MAS1: variants seen among roughly 807,000 people sequenced by gnomAD.
MAS1 encodes proto-oncogene Mas.
For synonymous variants in MAS1, 163 were observed against 164.2 expected, an observed-to-expected ratio of 0.99 and a Z score of 0.05; for missense variants, 387 against 409.7, an observed-to-expected ratio of 0.94 and a Z score of 0.48.
At chr6:159,902,398 C>A (rs760556559) in intron 2 of MAS1, 1 of 152,070 alleles carries the variant, frequency 6.6e-6, no homozygotes, top group Non-Finnish European at 1.5e-5. Flanking sequence ...TCATCTGAAG[C>A]GAGATGCACT....
In MAS1 at chr6:159,912,966, C is replaced by T. The variant is rs1782980440; in HGVS notation, c.*5033C>T. 1 of 152,140 alleles carries T rather than the reference C, an allele frequency of 6.6e-6. No homozygotes were observed. Among genetic ancestry groups the T allele is most frequent in the African/African-American group, 2.4e-5 (1 of 41,410 alleles). The allele number at this position is 152,140 out of a possible 1,614,324, so 9.4% of individuals were successfully genotyped here. On this transcript the variant is annotated 3_prime_UTR_variant, in exon 3 of 3. Coordinates refer to ENST00000674077, the MANE Select transcript of MAS1 (RefSeq NM_002377.4). ...CTTCCAAAAAGAAGCGTTTTAATAT[C>T]AAATGTTGAAGAGAGGCTCTTGGGA...
chr6:159,907,908 C>T lies in MAS1; in HGVS notation c.953C>T (p.Thr318Met), dbSNP rs148082809. The T allele has an allele frequency of 2.3e-5, 37 of 1,606,182 alleles. No individual in the cohort carries two copies. Among genetic ancestry groups the T allele is most frequent in the African/African-American group, 1.2e-4 (9 of 73,470 alleles). Residue 318 changes from threonine to methionine, a missense_variant, in exon 3 of 3, where the codon ACG becomes ATG. Transcript: ENST00000674077. ...CGGCGCCAGAAAGACAATTGTAATACGGTCACAGTTGAGACTGTCGTCTAA... is the reference window on the plus strand; with the variant it reads ...CGGCGCCAGAAAGACAATTGTAATATGGTCACAGTTGAGACTGTCGTCTAA... ...QPRRQKDNCN[T>M]VTVETVV
chr6:159,892,945 T>C (rs1407627903), intron 1 of MAS1, among the ~76,000 whole-genome samples: 1 of 152,202 alleles, frequency 6.6e-6, no homozygotes, highest in Admixed American at 6.5e-5. Flanking sequence ...GTGGGGTTAA[T>C]CTGCTTGATG....
At position 159,908,754 on chromosome 6, in the gene MAS1, C is replaced by T. The variant is rs979613318; in HGVS notation, c.*821C>T. ...TTTGGCCACCAGTAGAGGAGTTTCT[C>T]ATGGCTCCCCTTCCCTCTGTGGGAA... On this transcript the variant is annotated 3_prime_UTR_variant, in exon 3 of 3. Coordinates refer to ENST00000674077, the MANE Select transcript of MAS1 (RefSeq NM_002377.4). 1.3e-5 allele frequency: 2 copies of T among 152,088 alleles called. No homozygotes were observed. Among genetic ancestry groups the T allele is most frequent in the African/African-American group, 2.4e-5 (1 of 41,408 alleles). 9.4% of individuals were successfully genotyped at this position (152,088 alleles called of 1,614,324 possible).
Position 159,912,807 on chromosome 6 carries a change from G to C in MAS1, c.*4874G>C, listed in dbSNP as rs1021802752. 2 of 152,182 alleles carry C rather than the reference G, an allele frequency of 1.3e-5. No individual in the cohort carries two copies. The highest frequency in any genetic ancestry group is 2.9e-5 in the Non-Finnish European group (2 of 68,038). 9.4% of individuals were successfully genotyped at this position (152,182 alleles called of 1,614,324 possible). ...GATCTTGACAAACATTCAGGATTCT[G>C]TGAAGGAGGTAAGAGAGGTGTCACA... On this transcript the variant is annotated 3_prime_UTR_variant, in exon 3 of 3. Transcript: ENST00000674077.
upstream of MAS1, among the ~76,000 whole-genome samples, chr6:159,889,232 G>A (rs1782671253): frequency 6.6e-6 from 1 of 152,214 alleles, no homozygotes; most frequent in Non-Finnish European, 1.5e-5. Flanking sequence ...CTCTGCCCGT[G>A]TGGACAGACT....
chr6:159,909,750 C>G lies in MAS1; in HGVS notation c.*1817C>G, dbSNP rs1189087627. 1.3e-5 allele frequency: 2 copies of G among 152,088 alleles called. No individual in the cohort carries two copies. The highest frequency in any genetic ancestry group is 3.9e-4 in the East Asian group (2 of 5,174). 9.4% of individuals were successfully genotyped at this position (152,088 alleles called of 1,614,324 possible). A position where few individuals can be genotyped will look rare whatever the true frequency, so the allele number is the denominator to read the frequency against. On this transcript the variant is annotated 3_prime_UTR_variant, in exon 3 of 3. Transcript: ENST00000674077. The stretch of plus-strand genomic sequence containing the variant: ...AACCTCGTCTCATCTCTAAGGGGAT[C>G]TTAGTCTCAAAGAGGACCCTAAAGA...
chr6:159,905,794 C>T (rs2115117179), intron 2 of MAS1, among the ~76,000 whole-genome samples: 1 of 152,312 alleles, frequency 6.6e-6, no homozygotes, highest in East Asian at 1.9e-4. Flanking sequence ...GTAATCCCAG[C>T]ACTTTGGGAG....
intron 2 of MAS1, among the ~76,000 whole-genome samples, chr6:159,900,469 C>T (rs1782809512): frequency 1.3e-5 from 2 of 152,168 alleles, no homozygotes; most frequent in African/African-American, 4.8e-5. Context: ...ACTTCAGAGA[C>T]CGAAACTCAG....
At chr6:159,895,911 C>G (rs1782749439) in intron 1 of MAS1, among the ~76,000 whole-genome samples, 1 of 152,164 alleles carries the variant, frequency 6.6e-6, no homozygotes. Flanking sequence ...GAGATGTGCA[C>G]AAAATTTGCA....
At position 159,907,611 on chromosome 6, in the gene MAS1, G is replaced by A. The variant is rs138263796; in HGVS notation, c.656G>A (p.Trp219Ter). 1.2e-6 allele frequency: 2 copies of A among 1,613,588 alleles called. No individual in the cohort carries two copies. The highest frequency in any genetic ancestry group is 1.6e-4 in the Middle Eastern group (1 of 6,062). ...GTCGTGAAGATCCGGAAGAACACGT[G>A]GGCTTCCCATTCCTCCAAGCTTTAC... The part of the protein sequence containing the change: ...ILVVKIRKNT[W>*]ASHSSKLYIV... The change falls in exon 3 of 3, where the codon TGG becomes TAG. Residue 219 changes from tryptophan (W) to a stop codon, truncating the protein, a stop_gained. Coordinates refer to ENST00000674077, the MANE Select transcript of MAS1 (RefSeq NM_002377.4). LOFTEE classifies it low-confidence loss of function (END_TRUNC).
chr6:159,899,524 G>C (rs989170323), intron 2 of MAS1, 132 bp downstream of exon 2: 1 of 152,266 alleles, frequency 6.6e-6, no homozygotes, highest in Non-Finnish European at 1.5e-5. Context: ...CCAGGAGTTT[G>C]AGACCAGCCT....
chr6:159,906,015 C>T (rs1434479610), intron 2 of MAS1, among the ~76,000 whole-genome samples: 2 of 151,886 alleles, frequency 1.3e-5, no homozygotes, highest in Admixed American at 6.6e-5. Context: ...GCACTCCAGC[C>T]TGGTGACAGA....
At position 159,908,509 on chromosome 6, in the gene MAS1, GCACACA is replaced by G. The variant is rs55793021; in HGVS notation, c.*607_*612del. On this transcript the variant is annotated 3_prime_UTR_variant, in exon 3 of 3. Transcript: ENST00000674077. The stretch of plus-strand genomic sequence containing the variant: ...AAGATATAAATTTTTGTTTTGTAAA[GCACACA>G]CACACACACACACACACACACACAC... 18 of 145,978 alleles carry G rather than the reference GCACACA, an allele frequency of 1.2e-4. No homozygotes were observed. The highest frequency in any genetic ancestry group is 1.0e-3 in the East Asian group (5 of 4,860). The allele number at this position is 145,978 out of a possible 1,614,324, so 9.0% of individuals were successfully genotyped here. A position where few individuals can be genotyped will look rare whatever the true frequency, so the allele number is the denominator to read the frequency against.
rs1782950222 is a variant in MAS1 at position 159,910,273 on chromosome 6, G to C, written c.*2340G>C. 1 of 152,230 alleles carries C rather than the reference G, an allele frequency of 6.6e-6. No homozygotes were observed. Among genetic ancestry groups the C allele is most frequent in the South Asian group, 2.1e-4 (1 of 4,824 alleles). The allele number at this position is 152,230 out of a possible 1,614,324, so 9.4% of individuals were successfully genotyped here. On this transcript the variant is annotated 3_prime_UTR_variant, in exon 3 of 3. Transcript: ENST00000674077. ...CTGCAGAACACCATGATGTGGACAA[G>C]GCAAAGACGGGGAAGCGGAAGCCGC...
At chr6:159,890,549 A>G (rs556606658), upstream of MAS1, among the ~76,000 whole-genome samples, 3 of 152,166 alleles carry the variant, frequency 2.0e-5, no homozygotes, top group Admixed American at 6.5e-5. Context: ...ATCCTTAACT[A>G]TCTAGCCATG....
rs1782903766 is a variant in MAS1 at position 159,907,356 on chromosome 6, T to G, written c.401T>G (p.Val134Gly). 6.2e-7 allele frequency: 1 copy of G among 1,614,040 alleles called. No individual in the cohort carries two copies. The highest frequency in any genetic ancestry group is 1.3e-5 in the African/African-American group (1 of 74,898). ...ATTAGTGTGGAGAGGTGCCTGTCAG[T>G]CCTTTACCCCATCTGGTACCGATGC... ...TAISVERCLSVLYPIWYRCHR... is the reference protein window; with the variant it reads ...TAISVERCLSGLYPIWYRCHR... The change falls in exon 3 of 3, where the codon GTC (valine) becomes GGC (glycine). Residue 134 changes from valine to glycine, a missense_variant. Coordinates refer to ENST00000674077, the MANE Select transcript of MAS1 (RefSeq NM_002377.4).
chr6:159,902,863 G>A (rs1018850348), intron 2 of MAS1, among the ~76,000 whole-genome samples: 4 of 152,100 alleles, frequency 2.6e-5, no homozygotes, highest in East Asian at 1.9e-4. Flanking sequence ...TTACAGCCAC[G>A]TTTTCCAACA....
chr6:159,896,230 G>T (rs947195603), intron 1 of MAS1, among the ~76,000 whole-genome samples: 9 of 152,170 alleles, frequency 5.9e-5, no homozygotes, highest in Non-Finnish European at 8.8e-5. Context: ...AGGAGATAGA[G>T]GCTGCAGTGA....
Sources: allele counts gnomAD v4.1 joint callset (sites outside exome capture counted in the v4.1 genomes callset), GRCh38; gene constraint gnomAD v4.1.1; transcripts MANE v1.5; gene names NCBI Gene and HGNC (gene_info 2026-07-23, HGNC 2026-07-21).